The following DMD variants were observed in gnomAD, a reference collection of about 807,000 sequenced individuals.
The protein encoded by DMD is dystrophin, also known as mutant dystrophin.
In DMD, 63 loss-of-function variants were observed where a neutral mutation model predicts 330.1. The observed-to-expected ratio is 0.19, with a 90% CI of 0.16 to 0.24. DMD has a LOEUF of 0.24. Ranked by LOEUF, DMD falls within the 10% of genes least tolerant of loss-of-function variation. The pLI is 1.00. For missense variants in DMD, 3,344 were observed against 2,684.1 expected (o/e 1.25, Z -5.43); for synonymous variants, 1,223 against 959.8 (o/e 1.27, Z -5.07).
At chrX:31,950,235 T>C (rs1402271764) in intron 45 of DMD, among the ~76,000 whole-genome samples, 1 of 111,820 alleles carries the variant, frequency 8.9e-6, no homozygotes, top group Non-Finnish European at 1.9e-5. Flanking sequence ...TAATTTCCTA[T>C]GTGATTTAGT....
intron 7 of DMD, among the ~76,000 whole-genome samples, chrX:32,772,584 GAC>G (rs1489843658): frequency 8.9e-6 from 1 of 112,007 alleles, no homozygotes; most frequent in African/African-American, 3.2e-5. Flanking sequence ...AGGATTCAAA[GAC>G]AGTGCAGCTC....
At position 31,220,254 on chromosome X, in the gene DMD, C is replaced by T. The variant is rs774984885; in HGVS notation, c.9361+2793G>A. 6.8e-4 allele frequency among the ~76,000 whole-genome samples: 76 copies of T among 111,642 alleles called. No homozygotes were observed. The Middle Eastern group carries it at 0.023, about 34-fold the overall frequency. On this transcript the variant is annotated intron_variant, in intron 64 of 78. Transcript: ENST00000357033. ...CTCCTCAGCCCCCTCCAACTAGCTA[C>T]CACCCCACTCTTCTCCCCTTCATAA...
intron 45 of DMD, among the ~76,000 whole-genome samples, chrX:31,938,459 T>G (rs2094951694): frequency 8.9e-6 from 1 of 112,010 alleles, no homozygotes; most frequent in Non-Finnish European, 1.9e-5. Context: ...TACTTTAAAA[T>G]TATATAGTAC....
At chrX:31,391,125 A>C (rs2148789553) in intron 60 of DMD, among the ~76,000 whole-genome samples, 1 of 111,985 alleles carries the variant, frequency 8.9e-6, no homozygotes, top group Admixed American at 9.5e-5. Context: ...TTGTCTTCAT[A>C]ACATTTCTCA....
At chrX:32,564,091 G>C (rs935677593) in intron 16 of DMD, among the ~76,000 whole-genome samples, 2 of 111,358 alleles carry the variant, frequency 1.8e-5, no homozygotes, top group African/African-American at 6.5e-5. Context: ...GCTTAGTAAA[G>C]ATGTAGATTT....
intron 18 of DMD, among the ~76,000 whole-genome samples, chrX:32,512,678 A>C (rs141104280): frequency 8.9e-6 from 1 of 112,532 alleles, no homozygotes; most frequent in East Asian, 2.8e-4. Context: ...ATATGAAGAC[A>C]TGGACTTTGT....
At chrX:31,749,996 T>C (rs1396363610) in intron 51 of DMD, among the ~76,000 whole-genome samples, 2 of 109,363 alleles carry the variant, frequency 1.8e-5, no homozygotes, top group African/African-American at 6.7e-5. Context: ...GGGTTGTTTG[T>C]TTTTTTCTTG....
intron 16 of DMD, among the ~76,000 whole-genome samples, chrX:32,552,666 C>T (rs1428570263): frequency 8.9e-6 from 1 of 112,087 alleles, no homozygotes. Flanking sequence ...ATTTTGCAAA[C>T]TTTCCATCTG....
intron 20 of DMD, among the ~76,000 whole-genome samples, chrX:32,485,310 A>G (rs1402366989): frequency 1.8e-5 from 2 of 111,396 alleles, no homozygotes; most frequent in African/African-American, 6.5e-5. Flanking sequence ...GTATCATCCT[A>G]TATAATGATA....
intron 61 of DMD, among the ~76,000 whole-genome samples, chrX:31,341,920 C>CACACACAT (rs1569529239): frequency 9.1e-6 from 1 of 109,408 alleles, no homozygotes; most frequent in African/African-American, 3.4e-5. Context: ...CACACACACA[C>CACACACAT]GCATGTACAC....
chrX:32,050,253 T>C (rs766367705), intron 44 of DMD, among the ~76,000 whole-genome samples: 2 of 111,090 alleles, frequency 1.8e-5, no homozygotes, highest in South Asian at 7.5e-4. Context: ...TCTGCCTATA[T>C]CAAATAGTAT....
At chrX:33,224,951 T>C (rs1363056603) in intron 1 of DMD, among the ~76,000 whole-genome samples, 1 of 111,559 alleles carries the variant, frequency 9.0e-6, no homozygotes, top group Non-Finnish European at 1.9e-5. Context: ...AAATTTAAAA[T>C]ATAGTATATT....
At chrX:32,890,953 G>A (rs2085141770) in intron 2 of DMD, among the ~76,000 whole-genome samples, 1 of 112,134 alleles carries the variant, frequency 8.9e-6, no homozygotes, top group African/African-American at 3.2e-5. Flanking sequence ...TGCTGTAAAT[G>A]TAAAATATCC....
At chrX:32,859,461 TCACACACA>T (rs35537635) in intron 2 of DMD, among the ~76,000 whole-genome samples, 6,508 of 85,901 alleles carry the variant, frequency 0.076, 270 homozygotes, top group Admixed American at 0.16. Context: ...AAGCAAGATC[TCACACACA>T]CACACACACA....
chrX:32,543,358 T>A (rs2048668203), intron 17 of DMD, among the ~76,000 whole-genome samples: 1 of 109,989 alleles, frequency 9.1e-6, no homozygotes, highest in Admixed American at 9.7e-5. Context: ...CACAATCCAT[T>A]CTCCAAACAG....
chrX:32,512,369 T>C (rs777450507), intron 18 of DMD, among the ~76,000 whole-genome samples: 2 of 112,527 alleles, frequency 1.8e-5, no homozygotes, highest in South Asian at 7.3e-4. Context: ...GACTGAAGAG[T>C]AACTTATTCA....
chrX:32,654,174 C>A (rs1467023250), intron 9 of DMD, among the ~76,000 whole-genome samples: 4 of 111,299 alleles, frequency 3.6e-5, no homozygotes, highest in African/African-American at 6.6e-5. Flanking sequence ...CTGGCCGGAA[C>A]TTCCAACACT....
intron 44 of DMD, among the ~76,000 whole-genome samples, chrX:32,065,175 C>T (rs1028201385): frequency 9.0e-6 from 1 of 111,434 alleles, no homozygotes; most frequent in African/African-American, 3.3e-5. Context: ...GGATATCAAA[C>T]TTGAGAAGTT....
chrX:32,753,936 C>A (rs1603359650), intron 7 of DMD, among the ~76,000 whole-genome samples: 1 of 110,814 alleles, frequency 9.0e-6, no homozygotes, highest in East Asian at 2.9e-4. Flanking sequence ...CTGCTCAATT[C>A]TATTTTGTGG....
Sources: allele counts gnomAD v4.1 joint callset (sites outside exome capture counted in the v4.1 genomes callset), GRCh38; gene constraint gnomAD v4.1.1; transcripts MANE v1.5; gene names NCBI Gene and HGNC (gene_info 2026-07-23, HGNC 2026-07-21).